Variants in NEDD9 observed in about 807,000 individuals in gnomAD.
NEDD9 encodes the protein neural precursor cell expressed, developmentally down-regulated 9, also known as enhancer of filamentation 1.
In NEDD9, 26 loss-of-function variants were observed where a neutral mutation model predicts 76.6. The ratio of observed to expected loss-of-function variants is 0.34; its 90% CI spans 0.25 to 0.47. NEDD9 has a LOEUF of 0.47. Ranked by LOEUF, NEDD9 falls within the 20% of genes least tolerant of loss-of-function variation. The probability of loss-of-function intolerance (pLI) is 1.00; values close to 1 mark genes in which losing one functional copy is unlikely to be tolerated. For missense variants in NEDD9, 937 were observed against 1,058.5 expected, an observed-to-expected ratio of 0.89 and a Z score of 1.59; for synonymous variants, 392 against 414.2, an observed-to-expected ratio of 0.95 and a Z score of 0.65.
chr6:11,268,656 A>G (rs181527030), intron 3 of NEDD9, among the ~76,000 whole-genome samples: 1 of 151,908 alleles, frequency 6.6e-6, no homozygotes, highest in Admixed American at 6.6e-5. Context: ...TGAACCCAGG[A>G]GGCGGAGGTT....
intron 2 of NEDD9, among the ~76,000 whole-genome samples, chr6:11,331,936 G>GT (rs1762046843): frequency 6.6e-6 from 1 of 152,226 alleles, no homozygotes; most frequent in South Asian, 2.1e-4. Context: ...TTCAAATGCA[G>GT]TAATAGCTGT....
At chr6:11,352,454 T>C (rs187143890) in intron 1 of NEDD9, 1 of 152,240 alleles carries the variant, frequency 6.6e-6, no homozygotes, top group Non-Finnish European at 1.5e-5. Context: ...CTTTTTATAT[T>C]GCTTTGGTTA....
chr6:11,228,300 G>A (rs1581970939), intron 1 of NEDD9, among the ~76,000 whole-genome samples: 1 of 152,160 alleles, frequency 6.6e-6, no homozygotes, highest in East Asian at 1.9e-4. Context: ...GGAGGCTGAG[G>A]CAGGTGGATC....
intron 1 of NEDD9, among the ~76,000 whole-genome samples, chr6:11,231,970 C>T (rs891062298): frequency 2.0e-5 from 3 of 152,140 alleles, no homozygotes; most frequent in Non-Finnish European, 4.4e-5. Context: ...CAAAATTTTC[C>T]ATCCTCAGCT....
At chr6:11,373,153 TAA>T (rs55655020) in intron 1 of NEDD9, among the ~76,000 whole-genome samples, 53 of 147,204 alleles carry the variant, frequency 3.6e-4, no homozygotes, top group African/African-American at 1.3e-3. Context: ...CCATAAAAAT[TAA>T]AAAAAAAAAA....
rs118112368 is a variant in NEDD9, at chr6:11,307,106, G to A, written c.-152-951C>T. Among the ~76,000 whole-genome samples the A allele has an allele frequency of 4.1e-3, 624 of 152,302 alleles. 6 individuals are homozygous for A. The East Asian group carries it at 0.053, about 13-fold the overall frequency. On this transcript the variant is annotated intron_variant, in intron 2 of 3. Transcript: ENST00000397378. Reference sequence around the variant, plus strand: ...TTTTCCTATCAAGAATAAGTAAGAGGTTGTTTTAAAAGGGGAAGCAGAAAA... The same window carrying A: ...TTTTCCTATCAAGAATAAGTAAGAGATTGTTTTAAAAGGGGAAGCAGAAAA...
chr6:11,354,268 G>A (rs1470543033), intron 1 of NEDD9, among the ~76,000 whole-genome samples: 2 of 152,206 alleles, frequency 1.3e-5, no homozygotes, highest in African/African-American at 4.8e-5. Context: ...CACCAACCCA[G>A]CTGGAAAACG....
At chr6:11,238,797 T>C (rs1048734611) in intron 3 of NEDD9, among the ~76,000 whole-genome samples, 3 of 152,216 alleles carry the variant, frequency 2.0e-5, no homozygotes, top group African/African-American at 7.2e-5. Flanking sequence ...TTAGAAATGC[T>C]TAGGCCTCTC....
At chr6:11,374,739 C>A (rs777380943) in intron 1 of NEDD9, among the ~76,000 whole-genome samples, 2 of 152,214 alleles carry the variant, frequency 1.3e-5, no homozygotes, top group African/African-American at 4.8e-5. Flanking sequence ...GGAACCCAAT[C>A]TGCTGGTCTG....
intron 1 of NEDD9, among the ~76,000 whole-genome samples, chr6:11,354,536 G>T (rs920375196): frequency 6.6e-6 from 1 of 152,178 alleles, no homozygotes; most frequent in East Asian, 1.9e-4. Context: ...GGAAGACATG[G>T]AGCTGCATGC....
intron 1 of NEDD9, among the ~76,000 whole-genome samples, chr6:11,337,803 G>A (rs543513488): frequency 3.3e-5 from 5 of 152,248 alleles, no homozygotes; most frequent in Admixed American, 2.0e-4. Flanking sequence ...TGGATTTATC[G>A]CTCCAACAAG....
chr6:11,200,861 G>A, intron 2 of NEDD9: 1 of 1,580,334 alleles, frequency 6.3e-7, no homozygotes, highest in Non-Finnish European at 8.6e-7. Flanking sequence ...AACCCCAGGA[G>A]AAAATGTGTT....
chr6:11,293,947 A>G (rs530288501), intron 3 of NEDD9, among the ~76,000 whole-genome samples: 2 of 152,008 alleles, frequency 1.3e-5, no homozygotes, highest in South Asian at 2.1e-4. Flanking sequence ...GTTCATCCAC[A>G]TTGTCACAAA....
Position 11,370,599 on chromosome 6 carries a change from C to T in NEDD9, c.-214+11540G>A, listed in dbSNP as rs1762858148. Among the ~76,000 whole-genome samples the T allele has an allele frequency of 6.6e-6, 1 of 152,182 alleles. No individual in the cohort carries two copies. Among genetic ancestry groups the T allele is most frequent in the South Asian group, 2.1e-4 (1 of 4,830 alleles). On this transcript the variant is annotated intron_variant, in intron 1 of 3. Coordinates refer to the NEDD9 transcript ENST00000397378. This position sits in a 1 kb window ranked among gnomAD's most constrained non-coding sequence, Gnocchi z 4.2. ...TCCTTCCCGTTTTGCAAGGGCCATA[C>T]CAGCTTCACTTCTGAGCAGGCTTCC... is the stretch of plus-strand genomic sequence containing the variant.
At position 11,232,420 on chromosome 6, in the gene NEDD9, C is replaced by CAGTAAG. The variant is rs1474930987; in HGVS notation, c.12+78_12+83dup. On this transcript the variant is annotated intron_variant, in intron 1 of 6. Coordinates refer to ENST00000379446, the MANE Select transcript of NEDD9 (RefSeq NM_006403.4). Reference sequence around the variant, plus strand: ...CTCTCCGGGACACACAAGGGACTGACAGTAAGGAACACGCATACACAAGCA... The same window carrying CAGTAAG: ...CTCTCCGGGACACACAAGGGACTGACAGTAAGAGTAAGGAACACGCATACACAAGCA... The CAGTAAG allele has an allele frequency of 1.3e-5, 20 of 1,529,886 alleles. No individual in the cohort carries two copies. In the Admixed American group the frequency reaches 3.4e-4, roughly 26 times the overall value. The allele number at this position is 1,529,886 out of a possible 1,614,324, so 94.8% of individuals were successfully genotyped here.
Position 11,370,246 on chromosome 6 carries a change from C to T in NEDD9, c.-214+11893G>A, listed in dbSNP as rs1762838506. The stretch of plus-strand genomic sequence containing the variant: ...AAACGCTGCACCGAAGCTCTGCTGA[C>T]GTTTTCCTATGCTGAAGCAAGAAGT... On this transcript the variant is annotated intron_variant, in intron 1 of 3. Coordinates refer to the NEDD9 transcript ENST00000397378. The surrounding 1 kb of genome is among the most constrained non-coding windows in gnomAD (Gnocchi z 4.2). Among the ~76,000 whole-genome samples the T allele has an allele frequency of 1.3e-5, 2 of 152,210 alleles. No individual in the cohort carries two copies. Among genetic ancestry groups the T allele is most frequent in the African/African-American group, 4.8e-5 (2 of 41,456 alleles).
upstream of NEDD9, among the ~76,000 whole-genome samples, chr6:11,235,783 A>G (rs1474745032): frequency 2.6e-5 from 4 of 152,190 alleles, no homozygotes; most frequent in Non-Finnish European, 2.9e-5. This position sits in a 1 kb window ranked among gnomAD's most constrained non-coding sequence, Gnocchi z 4.1. Flanking sequence ...TAGTGTGTCT[A>G]AGCGCAGCAA....
chr6:11,360,530 G>A (rs768087259), intron 1 of NEDD9, among the ~76,000 whole-genome samples: 1 of 152,168 alleles, frequency 6.6e-6, no homozygotes, highest in Non-Finnish European at 1.5e-5. Context: ...CCTGGTTGCT[G>A]TTCTCCTGAT....
At chr6:11,249,937 C>G (rs914817101) in intron 3 of NEDD9, among the ~76,000 whole-genome samples, 15 of 152,098 alleles carry the variant, frequency 9.9e-5, no homozygotes, top group African/African-American at 3.6e-4. Context: ...GTCAAGGGGC[C>G]CAGAGATTCC....
Sources: gnomAD v4.1 joint callset for allele counts (sites outside exome capture counted in the v4.1 genomes callset) on GRCh38, gnomAD v4.1.1 for gene constraint, Gnocchi (gnomAD v3.1) non-coding constraint, MANE v1.5 for transcripts, NCBI Gene and HGNC (gene_info 2026-07-23, HGNC 2026-07-21) for gene names.